RALYL: variants seen among roughly 807,000 people sequenced by gnomAD.
The protein encoded by RALYL is RNA-binding Raly-like protein.
Under a neutral mutation model 35.1 loss-of-function variants are expected in RALYL, and 29 were observed. The observed-to-expected ratio is 0.83, with a 90% CI of 0.61 to 1.13. The LOEUF is 1.13. Among genes scored for constraint, RALYL ranks in the 50% most tolerant of loss-of-function variants. The pLI is 0.00. For synonymous variants in RALYL, 120 were observed against 127.6 expected, an observed-to-expected ratio of 0.94 and a Z score of 0.40; for missense variants, 359 against 360.4, an observed-to-expected ratio of 1.00 and a Z score of 0.03.
chr8:84,629,994 G>C (rs1462526141), intron 2 of RALYL, among the ~76,000 whole-genome samples: 1 of 151,890 alleles, frequency 6.6e-6, no homozygotes, highest in East Asian at 1.9e-4. Flanking sequence ...GAGTAACTGA[G>C]AAAAGAAATA....
At chr8:84,795,672 A>G (rs1821740995) in intron 3 of RALYL, among the ~76,000 whole-genome samples, 1 of 152,176 alleles carries the variant, frequency 6.6e-6, no homozygotes, top group Admixed American at 6.5e-5. Flanking sequence ...ACGTATTTGG[A>G]CATAATGCTT....
intron 2 of RALYL, among the ~76,000 whole-genome samples, chr8:84,630,600 A>G (rs1166953420): frequency 1.3e-5 from 2 of 151,950 alleles, no homozygotes; most frequent in Admixed American, 6.6e-5. Flanking sequence ...TGAAGGCCCA[A>G]ATGTTTTTTG....
intron 1 of RALYL, among the ~76,000 whole-genome samples, chr8:84,374,486 G>A (rs777914237): frequency 1.3e-5 from 2 of 151,844 alleles, no homozygotes; most frequent in South Asian, 2.1e-4. Flanking sequence ...TCTCACCAAC[G>A]ACAGATTGGA....
intron 1 of RALYL, among the ~76,000 whole-genome samples, chr8:84,446,151 A>G (rs1286707245): frequency 6.6e-6 from 1 of 151,990 alleles, no homozygotes; most frequent in Non-Finnish European, 1.5e-5. Flanking sequence ...ATGTGTGCTT[A>G]TATTTCTCAA....
At chr8:84,452,851 G>A (rs1022546910) in intron 1 of RALYL, among the ~76,000 whole-genome samples, 1 of 151,842 alleles carries the variant, frequency 6.6e-6, no homozygotes, top group African/African-American at 2.4e-5. Context: ...TTGAATTTGT[G>A]TATATATGTA....
At chr8:84,586,280 C>T (rs1170527766) in intron 2 of RALYL, among the ~76,000 whole-genome samples, 1 of 151,966 alleles carries the variant, frequency 6.6e-6, no homozygotes, top group Non-Finnish European at 1.5e-5. Flanking sequence ...TAAACACTAT[C>T]ATGTACTAAC....
intron 2 of RALYL, among the ~76,000 whole-genome samples, chr8:84,720,427 T>C (rs1364622559): frequency 1.3e-5 from 2 of 152,110 alleles, no homozygotes; most frequent in Admixed American, 6.6e-5. Context: ...CAACAAAGGG[T>C]GCTGGAAAAG....
chr8:84,798,843 C>T (rs1029818142), intron 3 of RALYL, among the ~76,000 whole-genome samples: 4 of 151,968 alleles, frequency 2.6e-5, no homozygotes, highest in Non-Finnish European at 5.9e-5. Context: ...AAGCAGGATG[C>T]GGGAAAGCAA....
intron 8 of RALYL, among the ~76,000 whole-genome samples, chr8:84,916,133 C>T (rs544714286): frequency 2.6e-5 from 4 of 151,968 alleles, no homozygotes; most frequent in Non-Finnish European, 5.9e-5. Flanking sequence ...AAAGGAGGAA[C>T]TTAATGTTAA....
intron 2 of RALYL, among the ~76,000 whole-genome samples, chr8:84,582,750 G>C (rs184508956): frequency 3.7e-4 from 57 of 152,068 alleles, no homozygotes; most frequent in Admixed American, 3.5e-3. Flanking sequence ...ACTGATTTTA[G>C]GCATGCTACA....
intron 4 of RALYL, among the ~76,000 whole-genome samples, chr8:84,831,845 T>C (rs1479163485): frequency 6.6e-6 from 1 of 152,102 alleles, no homozygotes; most frequent in Non-Finnish European, 1.5e-5. Context: ...AAGGTGCAAA[T>C]CAGTTCTTTT....
intron 2 of RALYL, among the ~76,000 whole-genome samples, chr8:84,577,678 C>T (rs764496390): frequency 4.6e-5 from 7 of 151,914 alleles, no homozygotes; most frequent in Admixed American, 3.3e-4. Flanking sequence ...CATTTTGTCA[C>T]TCTAGTCTCT....
At chr8:84,302,377 A>T (rs1840974089) in intron 1 of RALYL, among the ~76,000 whole-genome samples, 1 of 152,162 alleles carries the variant, frequency 6.6e-6, no homozygotes, top group South Asian at 2.1e-4. Context: ...GATACTCGCT[A>T]AACATTCAGA....
chr8:84,304,444 G>T (rs1563699379), intron 1 of RALYL, among the ~76,000 whole-genome samples: 1 of 152,040 alleles, frequency 6.6e-6, no homozygotes, highest in African/African-American at 2.4e-5. Flanking sequence ...TATAATATGG[G>T]ATATTAGTGA....
chr8:84,244,261 A>T (rs980802259), intron 1 of RALYL, among the ~76,000 whole-genome samples: 1 of 152,190 alleles, frequency 6.6e-6, no homozygotes, highest in African/African-American at 2.4e-5. Flanking sequence ...TGACTCAAAG[A>T]TACAGAAACA....
intron 2 of RALYL, among the ~76,000 whole-genome samples, chr8:84,620,020 C>G (rs1820934478): frequency 6.6e-6 from 1 of 152,004 alleles, no homozygotes; most frequent in South Asian, 2.1e-4. Flanking sequence ...TCTGGCTGCC[C>G]TTAACAATTT....
chr8:84,701,341 G>A (rs956939290), intron 2 of RALYL, among the ~76,000 whole-genome samples: 17 of 151,948 alleles, frequency 1.1e-4, no homozygotes, highest in African/African-American at 4.1e-4. Context: ...GGTCTCTATC[G>A]GACATCTGTA....
intron 1 of RALYL, among the ~76,000 whole-genome samples, chr8:84,385,295 A>G (rs1858936976): frequency 6.6e-6 from 1 of 151,892 alleles, no homozygotes; most frequent in South Asian, 2.1e-4. Context: ...AAATTCAATC[A>G]ATTTCTAAGA....
intron 8 of RALYL, among the ~76,000 whole-genome samples, chr8:84,906,721 G>C (rs1165970628): frequency 1.3e-5 from 2 of 151,796 alleles, no homozygotes; most frequent in Admixed American, 1.3e-4. Context: ...TCATGGACTG[G>C]CACAAAGATT....
Sources: allele counts gnomAD v4.1 joint callset (sites outside exome capture counted in the v4.1 genomes callset), GRCh38; gene constraint gnomAD v4.1.1; transcripts MANE v1.5; gene names NCBI Gene and HGNC (gene_info 2026-07-23, HGNC 2026-07-21).